CCDC88A: variants seen among roughly 807,000 people sequenced by gnomAD.
CCDC88A encodes girdin.
In CCDC88A, 54 loss-of-function variants were observed where a neutral mutation model predicts 234.3. The ratio of observed to expected loss-of-function variants is 0.23; its 90% CI spans 0.19 to 0.29. CCDC88A has a LOEUF of 0.29. Ranked by LOEUF, CCDC88A falls within the 10% of genes least tolerant of loss-of-function variation. The pLI is 1.00. For synonymous variants in CCDC88A, 753 were observed against 737.8 expected, an observed-to-expected ratio of 1.02 and a Z score of -0.33; for missense variants, 1,832 against 2,123.4, an observed-to-expected ratio of 0.86 and a Z score of 2.70.
At chr2:55,338,613 G>A (rs1668083978) in intron 13 of CCDC88A, among the ~76,000 whole-genome samples, 3 of 152,168 alleles carry the variant, frequency 2.0e-5, no homozygotes, top group South Asian at 4.1e-4. Context: ...AAAGGAATAA[G>A]GGCTAATTTC....
Position 55,336,681 on chromosome 2 carries a change from CTG to C in CCDC88A, c.1654_1655del (p.Gln552AspfsTer2). The part of the protein sequence containing the change: ...IETLRENSER[Q>X]IKILEQENEH... ...TTTACTTAGTAAAAAATGTATGAAC[CTG>C]TCTCTCTGAATTTTCTCTCAGTGTT... is the stretch of plus-strand genomic sequence containing the variant. On this transcript the variant is annotated frameshift_variant and splice_region_variant, in exon 14 of 33. Transcript: ENST00000436346. LOFTEE classifies it high-confidence loss of function. The C allele has an allele frequency of 1.3e-6, 2 of 1,557,380 alleles. No individual in the cohort carries two copies. Among genetic ancestry groups the C allele is most frequent in the Non-Finnish European group, 1.7e-6 (2 of 1,154,660 alleles).
At chr2:55,361,729 A>T (rs916287810) in intron 7 of CCDC88A, among the ~76,000 whole-genome samples, 3 of 152,232 alleles carry the variant, frequency 2.0e-5, no homozygotes, top group Admixed American at 2.0e-4. Flanking sequence ...CTTTAAAATT[A>T]TAAACTGCTT....
At position 55,419,478 on chromosome 2, in the gene CCDC88A, A is replaced by T; in HGVS notation, c.-399T>A. 1 of 197,730 alleles carries T rather than the reference A, an allele frequency of 5.1e-6. No homozygotes were observed. The highest frequency in any genetic ancestry group is 8.3e-5 in the South Asian group (1 of 12,004). The allele number at this position is 197,730 out of a possible 1,614,324, so 12.2% of individuals were successfully genotyped here. A position where few individuals can be genotyped will look rare whatever the true frequency, so the allele number is the denominator to read the frequency against. On this transcript the variant is annotated 5_prime_UTR_variant, in exon 1 of 33. Coordinates refer to ENST00000436346, the MANE Select transcript of CCDC88A (RefSeq NM_001365480.1). ...ATGAATCAATCCCAACGGGGGCTAA[A>T]TGAAATACGTTAAACAGAGACCACG...
rs1679348274 is a variant in CCDC88A at position 55,290,192 on chromosome 2, TTAATG to T, written c.*1003_*1007del. 6.6e-6 allele frequency: 1 copy of T among 152,506 alleles called. No individual in the cohort carries two copies. The highest frequency in any genetic ancestry group is 1.5e-5 in the Non-Finnish European group (1 of 67,962). 9.4% of individuals were successfully genotyped at this position (152,506 alleles called of 1,614,324 possible). A position where few individuals can be genotyped will look rare whatever the true frequency, so the allele number is the denominator to read the frequency against. ...AAAGTACCAATAACAGTTATCAACT[TTAATG>T]TAATATCATAAAGGAGAAAAAAATC... On this transcript the variant is annotated 3_prime_UTR_variant, in exon 33 of 33. Coordinates refer to ENST00000436346, the MANE Select transcript of CCDC88A (RefSeq NM_001365480.1).
chr2:55,410,686 C>A (rs1188265377), intron 2 of CCDC88A, among the ~76,000 whole-genome samples: 18 of 151,832 alleles, frequency 1.2e-4, no homozygotes, highest in African/African-American at 4.4e-4. Flanking sequence ...GAGATTGGAA[C>A]CAGAATGGGC....
At chr2:55,412,937 T>C (rs2104992382) in intron 2 of CCDC88A, among the ~76,000 whole-genome samples, 4 of 152,320 alleles carry the variant, frequency 2.6e-5, no homozygotes. Flanking sequence ...GCGCAGTGGC[T>C]CATGCCTGTA....
At chr2:55,291,917 C>G in intron 31 of CCDC88A, 142 bp from the exon 32 acceptor site, 1 of 519,480 alleles carries the variant, frequency 1.9e-6, no homozygotes, top group Middle Eastern at 5.0e-4. Flanking sequence ...TCATAGGCAT[C>G]TCAATACTTA....
intron 31 of CCDC88A, chr2:55,295,393 C>G: frequency 6.5e-7 from 1 of 1,544,756 alleles, no homozygotes; most frequent in Non-Finnish European, 8.7e-7. Context: ...CTATCTTTTG[C>G]CAACATTCCG....
chr2:55,396,375 A>G (rs1050090012), intron 2 of CCDC88A, among the ~76,000 whole-genome samples: 6 of 152,080 alleles, frequency 3.9e-5, no homozygotes, highest in Non-Finnish European at 8.8e-5. Context: ...AATCCCTTAC[A>G]TACCTCTCAT....
chr2:55,368,621 G>A (rs1236881807), intron 5 of CCDC88A, among the ~76,000 whole-genome samples: 1 of 151,960 alleles, frequency 6.6e-6, no homozygotes, highest in Non-Finnish European at 1.5e-5. Flanking sequence ...ACTGCACCCA[G>A]CCCTATTTCT....
chr2:55,300,081 G>A lies in CCDC88A; in HGVS notation c.4745-162C>T. The A allele has an allele frequency of 1.2e-5, 7 of 588,946 alleles. No individual in the cohort carries two copies. In the South Asian group the frequency reaches 1.4e-4, roughly 11 times the overall value. 36.5% of individuals were successfully genotyped at this position (588,946 alleles called of 1,614,324 possible). ...AGCAAATTTCCAGATAGTTCATTGA[G>A]ACACTTTAGAATAGGACACTTCTGA... On this transcript the variant is annotated intron_variant, in intron 28 of 32. Transcript: ENST00000436346.
rs1296545041 is a variant in CCDC88A, at chr2:55,322,658, T to C, written c.3032A>G (p.Gln1011Arg). The C allele has an allele frequency of 6.4e-7, 1 of 1,567,394 alleles. No homozygotes were observed. Among genetic ancestry groups the C allele is most frequent in the South Asian group, 1.3e-5 (1 of 79,940 alleles). The change falls in exon 18 of 33, where the codon CAA becomes CGA. Residue 1011 changes from glutamine (Q) to arginine (R), a missense_variant. Gln to Arg is a conservative substitution (Grantham distance 43). Around this residue, in one of 6 missense-constraint regions of CCDC88A, gnomAD observed 1,282 missense variants for 1,543.6 expected, o/e 0.83. Coordinates refer to ENST00000436346, the MANE Select transcript of CCDC88A (RefSeq NM_001365480.1). ...KKNYEALKQR[Q>R]DEERMVQSSP... ...GCTCTGTACCATCCTTTCCTCATCT[T>C]GTCTCTGTTTGAGAGCTTCATAATT... is the stretch of plus-strand genomic sequence containing the variant.
intron 2 of CCDC88A, among the ~76,000 whole-genome samples, chr2:55,399,001 A>G (rs1030800589): frequency 6.6e-6 from 1 of 152,304 alleles, no homozygotes; most frequent in Admixed American, 6.5e-5. Context: ...CTGGCTTTGC[A>G]GTAAATATTA....
At chr2:55,369,324 T>C (rs1672482884) in intron 5 of CCDC88A, among the ~76,000 whole-genome samples, 1 of 152,134 alleles carries the variant, frequency 6.6e-6, no homozygotes, top group East Asian at 1.9e-4. Flanking sequence ...TGAGCCACCA[T>C]GTCTGGCCTG....
chr2:55,409,461 T>C (rs960494198), intron 2 of CCDC88A, among the ~76,000 whole-genome samples: 3 of 152,222 alleles, frequency 2.0e-5, no homozygotes, highest in African/African-American at 4.8e-5. Context: ...ATGGCACAGA[T>C]ACCACATTGC....
chr2:55,348,126 G>A (rs1164433247), intron 9 of CCDC88A, among the ~76,000 whole-genome samples: 2 of 151,746 alleles, frequency 1.3e-5, no homozygotes, highest in African/African-American at 4.8e-5. Context: ...ATTACGTGCA[G>A]CTAATTTTTT....
Position 55,296,062 on chromosome 2 carries a change from T to TA in CCDC88A, c.5092-7dup, listed in dbSNP as rs543844398. ...TCTTGACTTGAGGACTTTATCTGTT[T>TA]AAAAAAAAATTCAAAGCAGATTAGT... is the stretch of plus-strand genomic sequence containing the variant. On this transcript the variant is annotated splice_region_variant and splice_polypyrimidine_tract_variant and intron_variant, in intron 30 of 32. Transcript: ENST00000436346. 1.0e-4 allele frequency: 158 copies of TA among 1,558,188 alleles called. No individual in the cohort carries two copies. The highest frequency in any genetic ancestry group is 1.7e-4 in the Middle Eastern group (1 of 5,822).
rs766524321 is a variant in CCDC88A at position 55,315,998 on chromosome 2, T to C, written c.3863A>G (p.Glu1288Gly). ...SKLEQTRLEA[E>G]FSKLKEQYQQ... ...GTATTGTTCCTTTAGTTTTGAAAAT[T>C]CAGCTTCTAATCTTGTTTGTTCCAG... Residue 1288 changes from glutamate (E) to glycine (G), a missense_variant, in exon 22 of 33, where the codon GAA (glutamate) becomes GGA (glycine). Glu to Gly is a moderately conservative substitution (Grantham distance 98). This residue lies in a region of CCDC88A where 1,282 missense variants were observed against 1,543.6 expected (regional missense o/e 0.83). Coordinates refer to ENST00000436346, the MANE Select transcript of CCDC88A (RefSeq NM_001365480.1). 1.3e-6 allele frequency: 2 copies of C among 1,589,746 alleles called. No individual in the cohort carries two copies. The highest frequency in any genetic ancestry group is 1.7e-6 in the Non-Finnish European group (2 of 1,168,590).
At chr2:55,297,205 C>A (rs897625196) in intron 29 of CCDC88A, 1 of 137,092 alleles carries the variant, frequency 7.3e-6, no homozygotes, top group Admixed American at 8.0e-5. Flanking sequence ...AAATGCCTCA[C>A]AATTTAGGAT....
Sources: allele counts gnomAD v4.1 joint callset (sites outside exome capture counted in the v4.1 genomes callset), GRCh38; gene constraint gnomAD v4.1.1; regional missense constraint gnomAD v4.1.1; transcripts MANE v1.5; gene names NCBI Gene and HGNC (gene_info 2026-07-23, HGNC 2026-07-21).